The following NPIPB6 variants were observed in gnomAD, a reference collection of about 807,000 sequenced individuals.
NPIPB6 encodes nuclear pore complex interacting protein family member B6.
A neutral mutation model predicts 20.0 loss-of-function variants in NPIPB6; 2 were observed. The ratio of observed to expected loss-of-function variants is 0.10; its 90% CI spans 0.04 to 0.31. The LOEUF (loss-of-function observed/expected upper bound fraction) is 0.31. NPIPB6 is among the 10% of genes least tolerant of loss of function. The pLI, the probability that NPIPB6 is intolerant of heterozygous loss-of-function variation, is 1.00. For synonymous variants in NPIPB6, 35 were observed against 116.3 expected, an observed-to-expected ratio of 0.30 and a Z score of 4.50; for missense variants, 96 against 293.7, an observed-to-expected ratio of 0.33 and a Z score of 4.92.
chr16:28,346,987 C>G (rs375228788), intron 4 of NPIPB6, among the ~76,000 whole-genome samples: 2 of 24,228 alleles, frequency 8.3e-5, no homozygotes, highest in East Asian at 1.7e-3. Flanking sequence ...CTCCTGCTGT[C>G]CACTTGGGAA....
chr16:28,361,884 T>C (rs1195021147), intron 1 of NPIPB6, among the ~76,000 whole-genome samples: 4 of 151,022 alleles, frequency 2.6e-5, no homozygotes, highest in African/African-American at 9.7e-5. Context: ...ATTATTACTA[T>C]TGGACTTTTT....
At chr16:28,343,143 A>G in exon 7 of NPIPB6, 1 of 1,552,358 alleles carries the variant, frequency 6.4e-7, no homozygotes, top group Non-Finnish European at 8.7e-7. Flanking sequence ...TAGGGCCAGT[A>G]GGGCAATCCT....
At chr16:28,351,924 A>C (rs202066151) in intron 2 of NPIPB6, among the ~76,000 whole-genome samples, 1,074 of 4,918 alleles carry the variant, frequency 0.22, 122 homozygotes, top group South Asian at 0.65. Flanking sequence ...AGCCCCCAGA[A>C]AACCACATTT....
At chr16:28,351,692 C>T (rs1363937410) in intron 2 of NPIPB6, among the ~76,000 whole-genome samples, 10 of 118,550 alleles carry the variant, frequency 8.4e-5, no homozygotes, top group South Asian at 2.4e-4. Context: ...CAATTTATAC[C>T]GAAAATTCTC....
At chr16:28,359,123 T>G (rs1596582553) in intron 1 of NPIPB6, among the ~76,000 whole-genome samples, 1 of 135,958 alleles carries the variant, frequency 7.4e-6, no homozygotes, top group Non-Finnish European at 1.5e-5. Context: ...TAGATTTCGG[T>G]TGTGTTGGTT....
At chr16:28,342,875 G>A (rs1163072001) in exon 7 of NPIPB6, 6 of 1,566,578 alleles carry the variant, frequency 3.8e-6, no homozygotes, top group Admixed American at 1.8e-5. Context: ...ATCATCCACT[G>A]AGGGTGGAAG....
At chr16:28,348,281 TAA>T (rs1254547184) in intron 4 of NPIPB6, among the ~76,000 whole-genome samples, 3 of 92,678 alleles carry the variant, frequency 3.2e-5, no homozygotes, top group Non-Finnish European at 4.7e-5. Context: ...CTCAAAATTT[TAA>T]AAAAAAAAAA....
At chr16:28,351,015 A>T (rs1209399868) in intron 2 of NPIPB6, among the ~76,000 whole-genome samples, 1 of 118,748 alleles carries the variant, frequency 8.4e-6, no homozygotes, top group Non-Finnish European at 1.9e-5. Context: ...CACATAGGAT[A>T]AAAAAAAAAA....
rs1326228378 is a variant in NPIPB6 at position 28,348,652 on chromosome 16, AG to A, written c.599+181del. The stretch of plus-strand genomic sequence containing the variant: ...TCTTCCCCCGAAAAAATTACAAACA[AG>A]AATGTAGGAAGGGAAAGGAATTATA... On this transcript the variant is annotated intron_variant, in intron 4 of 6. Transcript: ENST00000532254. Among the ~76,000 whole-genome samples, 8 of 100,248 alleles carry A rather than the reference AG, an allele frequency of 8.0e-5. No homozygotes were observed. The South Asian group carries it at 2.1e-3, about 26-fold the overall frequency. 65.8% of individuals were successfully genotyped at this position (100,248 alleles called of 152,430 possible).
In NPIPB6 at chr16:28,348,025, A is replaced by C. The variant is rs28406011; in HGVS notation, c.599+809T>G. Among the ~76,000 whole-genome samples the C allele has an allele frequency of 2.2e-4, 26 of 118,360 alleles. 1 individual carries two copies. Among genetic ancestry groups the C allele is most frequent in the African/African-American group, 6.9e-4 (24 of 34,608 alleles). The allele number at this position is 118,360 out of a possible 152,430, so 77.6% of individuals were successfully genotyped here. On this transcript the variant is annotated intron_variant, in intron 4 of 6. Coordinates refer to ENST00000532254, the Ensembl canonical transcript of NPIPB6. ...CTCAAGAGGCTGAGGGATAAGAATC[A>C]CTTGAACCTGGGAGGTGGAGGTTGC...
chr16:28,349,998 A>C lies in NPIPB6; in HGVS notation c.304-757T>G, dbSNP rs1005413858. 5.4e-4 allele frequency among the ~76,000 whole-genome samples: 54 copies of C among 100,540 alleles called. 8 individuals carry two copies. The highest frequency in any genetic ancestry group is 2.2e-3 in the Admixed American group (18 of 8,328). The allele number at this position is 100,540 out of a possible 152,430, so 66.0% of individuals were successfully genotyped here. A position where few individuals can be genotyped will look rare whatever the true frequency, so the allele number is the denominator to read the frequency against. ...TGAATCACAAGGTCAAGAGATGGAGACCATCCTGGGCAACATGGTGAAACC... is the reference window on the plus strand; with the variant it reads ...TGAATCACAAGGTCAAGAGATGGAGCCCATCCTGGGCAACATGGTGAAACC... On this transcript the variant is annotated intron_variant, in intron 2 of 6. Transcript: ENST00000532254.
intron 2 of NPIPB6, among the ~76,000 whole-genome samples, chr16:28,351,735 G>A (rs1323566717): frequency 2.1e-3 from 202 of 95,540 alleles, no homozygotes; most frequent in Non-Finnish European, 3.3e-3. Context: ...AGAATGTTAA[G>A]TGTGCCTAGA....
At chr16:28,342,628 C>G (rs1379483916) in exon 7 of NPIPB6, 1 of 1,522,792 alleles carries the variant, frequency 6.6e-7, no homozygotes, top group African/African-American at 1.4e-5. Context: ...TTCTTATTGC[C>G]CAGGCTTGAG....
At chr16:28,361,748 GTGTGTGTGTGTGTGTGTGTGTA>G (rs1169446076) in intron 1 of NPIPB6, among the ~76,000 whole-genome samples, 990 of 73,010 alleles carry the variant, frequency 0.014, 3 homozygotes, top group Non-Finnish European at 0.022. Flanking sequence ...GTGTGTGTGT[GTGTGTGTGTGTGTGTGTGTGTA>G]TGTGTGTGTG....
chr16:28,355,956 C>A lies in NPIPB6; in HGVS notation c.121-2895G>T, dbSNP rs1455028557. Among the ~76,000 whole-genome samples the A allele has an allele frequency of 5.4e-5, 6 of 111,768 alleles. 1 individual carries two copies. Among genetic ancestry groups the A allele is most frequent in the Non-Finnish European group, 1.2e-4 (6 of 50,600 alleles). 73.3% of individuals were successfully genotyped at this position (111,768 alleles called of 152,430 possible). On this transcript the variant is annotated intron_variant, in intron 1 of 6. Transcript: ENST00000532254. ...GGTCAAGAGATGGAGACTATCCTGGCGAACATGGTGAAACCCCGTCTCTAC... is the reference window on the plus strand; with the variant it reads ...GGTCAAGAGATGGAGACTATCCTGGAGAACATGGTGAAACCCCGTCTCTAC...
At chr16:28,347,508 C>T (rs1380684618) in intron 4 of NPIPB6, among the ~76,000 whole-genome samples, 6 of 123,326 alleles carry the variant, frequency 4.9e-5, no homozygotes, top group African/African-American at 1.6e-4. Flanking sequence ...GACCATCCCC[C>T]AGAAGTAGAC....
At chr16:28,362,423 C>G (rs1441361461) in intron 1 of NPIPB6, among the ~76,000 whole-genome samples, 1 of 151,854 alleles carries the variant, frequency 6.6e-6, no homozygotes, top group South Asian at 2.1e-4. Flanking sequence ...AATAAATAAC[C>G]TTTTTAAGTG....
At chr16:28,342,577 T>A in exon 7 of NPIPB6, 1 of 1,368,628 alleles carries the variant, frequency 7.3e-7, no homozygotes, top group Non-Finnish European at 1.0e-6. Flanking sequence ...GGGTTTTGTT[T>A]TGTTTTTTGA....
At chr16:28,342,842 G>A (rs1160983130) in exon 7 of NPIPB6, 2 of 1,567,398 alleles carry the variant, frequency 1.3e-6, no homozygotes, top group African/African-American at 2.7e-5. Context: ...CTCCTGAGTA[G>A]CTAAGGGAGG....
Sources: allele counts gnomAD v4.1 joint callset (sites outside exome capture counted in the v4.1 genomes callset), GRCh38; gene constraint gnomAD v4.1.1; transcripts MANE v1.5; gene names NCBI Gene and HGNC (gene_info 2026-07-23, HGNC 2026-07-21).